The following TRIM69 variants were observed in gnomAD, a reference collection of about 807,000 sequenced individuals.
TRIM69 encodes E3 ubiquitin-protein ligase TRIM69.
TRIM69 carries 29 observed loss-of-function variants against 37.7 expected under a neutral mutation model. That is an observed-to-expected ratio of 0.77 (90% CI 0.57 to 1.05). The LOEUF is 1.05. Ranked by LOEUF, TRIM69 falls within the 50% of genes least tolerant of loss-of-function variation. The pLI is 0.00. For synonymous variants in TRIM69, 209 were observed against 212.4 expected, an observed-to-expected ratio of 0.98 and a Z score of 0.14; for missense variants, 596 against 579.9, an observed-to-expected ratio of 1.03 and a Z score of -0.28.
intron 1 of TRIM69, chr15:44,752,804 C>A (rs1209050895): frequency 6.6e-6 from 1 of 151,242 alleles, no homozygotes; most frequent in Non-Finnish European, 1.5e-5. Flanking sequence ...TAGTAGTTAC[C>A]CAGGGGGTTA....
intron 4 of TRIM69, among the ~76,000 whole-genome samples, chr15:44,759,161 T>G (rs533900329): frequency 6.6e-6 from 1 of 152,340 alleles, no homozygotes; most frequent in African/African-American, 2.4e-5. Flanking sequence ...AAAATAAAAA[T>G]GTTGCAGCCT....
chr15:44,756,268 A>AGCTT, intron 2 of TRIM69, 100 bp from the exon 3 acceptor site: 1 of 731,872 alleles, frequency 1.4e-6, no homozygotes, highest in Non-Finnish European at 2.3e-6. Context: ...TTGCAGCAAG[A>AGCTT]GCTTGCTTTT....
rs182346387 is a variant in TRIM69, at chr15:44,741,932, A to G, written c.6+5222A>G. Among the ~76,000 whole-genome samples the G allele has an allele frequency of 4.3e-3, 661 of 152,350 alleles. 1 individual carries two copies. Among genetic ancestry groups the G allele is most frequent in the African/African-American group, 0.015 (634 of 41,576 alleles). ...ATTCCTTCTGAAGCTATTCCAATCA[A>G]CAGAAAAAGAGGGAATCCTCCCTAA... is the stretch of plus-strand genomic sequence containing the variant. On this transcript the variant is annotated intron_variant, in intron 1 of 6. Coordinates refer to ENST00000329464, the MANE Select transcript of TRIM69 (RefSeq NM_182985.5).
rs17588988 is a variant in TRIM69, at chr15:44,755,204, A to G, written c.311A>G (p.Lys104Arg). The G allele has an allele frequency of 0.059, 94,771 of 1,614,130 alleles. 2,998 individuals carry two copies. The highest frequency in any genetic ancestry group is 0.084 in the African/African-American group (6,325 of 75,018). Residue 104 changes from lysine to arginine, a missense_variant, in exon 2 of 7, where the codon AAG (lysine) becomes AGG (arginine). Transcript: ENST00000329464. ...PVLDKLVEKIKKLPLLKGHPQ... is the reference protein window; with the variant it reads ...PVLDKLVEKIRKLPLLKGHPQ... ...CTGGACAAGTTGGTAGAGAAGATTA[A>G]GAAGTTACCCTTACTCAAGGGCCAT...
At chr15:44,741,973 C>T (rs1284694120) in intron 1 of TRIM69, among the ~76,000 whole-genome samples, 1 of 152,138 alleles carries the variant, frequency 6.6e-6, no homozygotes, top group Admixed American at 6.5e-5. Flanking sequence ...TTTATGAGGC[C>T]AGCATTATCC....
chr15:44,751,714 C>T (rs2444005), intron 1 of TRIM69, among the ~76,000 whole-genome samples: 3,822 of 152,134 alleles, frequency 0.025, 150 homozygotes, highest in African/African-American at 0.088. Context: ...ACTATTTTCA[C>T]TGTATCCCAT....
At chr15:44,766,877 C>T (rs1315993684) in intron 6 of TRIM69, among the ~76,000 whole-genome samples, 1 of 150,970 alleles carries the variant, frequency 6.6e-6, no homozygotes, top group South Asian at 2.1e-4. Context: ...GCCAACATGG[C>T]GAAACCCTGT....
At position 44,767,660 on chromosome 15, in the gene TRIM69, A is replaced by C; in HGVS notation, c.1391A>C (p.His464Pro). ...LSFYNAKTMTHIYTFSNTFME... is the reference protein window; with the variant it reads ...LSFYNAKTMTPIYTFSNTFME... ...TTCTACAATGCTAAAACCATGACTC[A>C]CATTTACACCTTCAGTAACACTTTC... The change falls in exon 7 of 7, where the codon CAC becomes CCC. Residue 464 changes from histidine (H) to proline (P), a missense_variant. His to Pro is a moderately conservative substitution (Grantham distance 77). Coordinates refer to ENST00000329464, the MANE Select transcript of TRIM69 (RefSeq NM_182985.5). 2.5e-6 allele frequency: 4 copies of C among 1,614,218 alleles called. No homozygotes were observed. Among genetic ancestry groups the C allele is most frequent in the Non-Finnish European group, 3.4e-6 (4 of 1,180,038 alleles).
Position 44,762,844 on chromosome 15 carries a change from T to A in TRIM69, c.961+2972T>A, listed in dbSNP as rs866367558. Among the ~76,000 whole-genome samples the A allele has an allele frequency of 9.2e-5, 14 of 152,284 alleles. No homozygotes were observed. The South Asian group carries it at 2.9e-3, about 32-fold the overall frequency. On this transcript the variant is annotated intron_variant, in intron 6 of 6. Coordinates refer to ENST00000329464, the MANE Select transcript of TRIM69 (RefSeq NM_182985.5). Reference sequence around the variant, plus strand: ...GTCATTTCTGGGCCTGATTTTATTGTTTGATTGTTCTCCTGAGAGTCATAT... The same window carrying A: ...GTCATTTCTGGGCCTGATTTTATTGATTGATTGTTCTCCTGAGAGTCATAT...
intron 3 of TRIM69, chr15:44,757,167 TC>T (rs1276083586): frequency 6.6e-6 from 1 of 152,218 alleles, no homozygotes; most frequent in African/African-American, 2.4e-5. Context: ...AAAATCTTGT[TC>T]CTTTTGTAAA....
At position 44,754,598 on chromosome 15, in the gene TRIM69, A is replaced by C. The variant is rs1455433821; in HGVS notation, c.7-302A>C. On this transcript the variant is annotated intron_variant, in intron 1 of 6. Coordinates refer to ENST00000329464, the MANE Select transcript of TRIM69 (RefSeq NM_182985.5). ...AATAACTAGTAGAGCAGAAGTTGAAAAATAAAACTTTCAAAAGACACTTGG... is the reference window on the plus strand; with the variant it reads ...AATAACTAGTAGAGCAGAAGTTGAACAATAAAACTTTCAAAAGACACTTGG... 1.5e-5 allele frequency: 5 copies of C among 325,518 alleles called. No individual in the cohort carries two copies. The Admixed American group carries it at 2.2e-4, about 14-fold the overall frequency. The allele number at this position is 325,518 out of a possible 1,614,324, so 20.2% of individuals were successfully genotyped here.
intron 1 of TRIM69, 110 bp from the exon 2 acceptor site, chr15:44,754,790 T>C (rs1596027889): frequency 8.9e-6 from 7 of 782,624 alleles, no homozygotes; most frequent in Non-Finnish European, 2.1e-6. Context: ...TTATGTGCTT[T>C]TACTTTAGTT....
chr15:44,742,826 A>G (rs2087321075), intron 1 of TRIM69, among the ~76,000 whole-genome samples: 2 of 151,448 alleles, frequency 1.3e-5, no homozygotes, highest in Non-Finnish European at 2.9e-5. Context: ...GACACAAACA[A>G]ATGGAAGAAC....
chr15:44,754,797 A>T, intron 1 of TRIM69, 103 bp from the exon 2 acceptor site: 1 of 823,342 alleles, frequency 1.2e-6, no homozygotes, highest in Non-Finnish European at 2.0e-6. Flanking sequence ...CTTTTACTTT[A>T]GTTGTACCAA....
chr15:44,748,185 C>A (rs2087447119), intron 1 of TRIM69, among the ~76,000 whole-genome samples: 1 of 152,124 alleles, frequency 6.6e-6, no homozygotes, highest in African/African-American at 2.4e-5. Flanking sequence ...CATCTTCTGT[C>A]TATATTTAAG....
intron 1 of TRIM69, 34 bp downstream of exon 1, chr15:44,736,744 G>T: frequency 1.9e-6 from 3 of 1,608,242 alleles, no homozygotes; most frequent in Non-Finnish European, 2.5e-6. Context: ...ACTTAGCAGG[G>T]CTTCTAGGAA....
At chr15:44,760,880 A>ATGTAG (rs2087759736) in intron 6 of TRIM69, among the ~76,000 whole-genome samples, 1 of 151,386 alleles carries the variant, frequency 6.6e-6, no homozygotes, top group African/African-American at 2.4e-5. Context: ...AGCATACATT[A>ATGTAG]TGTAGTGTTT....
At chr15:44,759,461 A>G (rs987794068) in intron 4 of TRIM69, among the ~76,000 whole-genome samples, 179 bp from the exon 5 acceptor site, 1 of 152,226 alleles carries the variant, frequency 6.6e-6, no homozygotes, top group South Asian at 2.1e-4. Context: ...GCAAAAGATC[A>G]ATTTAACCTG....
intron 1 of TRIM69, among the ~76,000 whole-genome samples, chr15:44,750,226 T>A (rs1235909269): frequency 6.6e-6 from 1 of 152,242 alleles, no homozygotes; most frequent in Non-Finnish European, 1.5e-5. Flanking sequence ...TTTTTTGTGA[T>A]GTCTTTATCT....
Sources: gnomAD v4.1 joint callset for allele counts (sites outside exome capture counted in the v4.1 genomes callset) on GRCh38, gnomAD v4.1.1 for gene constraint, MANE v1.5 for transcripts, NCBI Gene and HGNC (gene_info 2026-07-23, HGNC 2026-07-21) for gene names.